AKAP6: variants seen among roughly 807,000 people sequenced by gnomAD.
AKAP6 encodes the protein A-kinase anchor protein 6.
In AKAP6, 58 loss-of-function variants were observed where a neutral mutation model predicts 188.5. The observed-to-expected ratio is 0.31, with a 90% CI of 0.25 to 0.38. AKAP6 has a LOEUF of 0.38. AKAP6 is among the 10% of genes least tolerant of loss of function. The pLI, the probability that AKAP6 is intolerant of heterozygous loss-of-function variation, is 1.00. For missense variants in AKAP6, 2,710 were observed against 2,740.0 expected (o/e 0.99, Z 0.24); for synonymous variants, 989 against 998.6 (o/e 0.99, Z 0.18).
At chr14:32,816,779 GT>G (rs987885845) in intron 12 of AKAP6, among the ~76,000 whole-genome samples, 2 of 152,090 alleles carry the variant, frequency 1.3e-5, no homozygotes, top group African/African-American at 4.8e-5. Flanking sequence ...TGCTGCTTAT[GT>G]TTTTGTCACT....
At chr14:32,442,735 G>A (rs982686257) in intron 2 of AKAP6, 4 of 152,174 alleles carry the variant, frequency 2.6e-5, no homozygotes, top group Non-Finnish European at 5.9e-5. Context: ...GATCCAACCT[G>A]TGTGTATTTT....
chr14:32,600,699 C>G lies in AKAP6; in HGVS notation c.2637C>G (p.His879Gln). The G allele has an allele frequency of 6.2e-7, 1 of 1,613,644 alleles. No homozygotes were observed. The highest frequency in any genetic ancestry group is 1.1e-5 in the South Asian group (1 of 90,998). ...TGCAGAGGCAAATCAAACGGCAGCA[C>G]AGCTGGATTCTCAGGGCTCTGGATA... Reference protein sequence around the residue: ...KELQRQIKRQHSWILRALDTI... With the variant: ...KELQRQIKRQQSWILRALDTI... Residue 879 changes from histidine to glutamine, a missense_variant, in exon 7 of 14, where the codon CAC becomes CAG. His to Gln is a conservative substitution (Grantham distance 24). Transcript: ENST00000280979.
chr14:32,666,416 G>A (rs901816289), intron 7 of AKAP6, among the ~76,000 whole-genome samples: 2 of 152,000 alleles, frequency 1.3e-5, no homozygotes, highest in Non-Finnish European at 2.9e-5. Context: ...ATTAGTTACA[G>A]TCTCCAGCTG....
chr14:32,685,785 A>G (rs943306901), intron 8 of AKAP6, among the ~76,000 whole-genome samples: 3 of 151,760 alleles, frequency 2.0e-5, no homozygotes, highest in Non-Finnish European at 2.9e-5. Context: ...CAAGTCAGGC[A>G]ATAACAAATG....
At chr14:32,586,240 TAA>T (rs919478920) in intron 5 of AKAP6, among the ~76,000 whole-genome samples, 2 of 152,230 alleles carry the variant, frequency 1.3e-5, no homozygotes, top group African/African-American at 4.8e-5. Context: ...AAGTCAACAG[TAA>T]GTCCCCTTTT....
At chr14:32,550,134 A>G (rs1487781327) in intron 4 of AKAP6, among the ~76,000 whole-genome samples, 1 of 152,204 alleles carries the variant, frequency 6.6e-6, no homozygotes, top group Non-Finnish European at 1.5e-5. Flanking sequence ...TTGTAAAGAG[A>G]TGTTTTAACC....
intron 2 of AKAP6, among the ~76,000 whole-genome samples, chr14:32,507,342 C>A (rs1168879761): frequency 1.3e-5 from 2 of 152,158 alleles, no homozygotes; most frequent in Non-Finnish European, 2.9e-5. Flanking sequence ...CTTTACCATC[C>A]AGTATCTCAC....
intron 4 of AKAP6, among the ~76,000 whole-genome samples, chr14:32,561,070 C>A (rs750182719): frequency 5.3e-5 from 8 of 152,170 alleles, no homozygotes; most frequent in Non-Finnish European, 1.2e-4. Flanking sequence ...GCTCAGTTCA[C>A]AATCCCTCAT....
At chr14:32,515,643 T>C (rs1370581607) in intron 2 of AKAP6, among the ~76,000 whole-genome samples, 1 of 152,142 alleles carries the variant, frequency 6.6e-6, no homozygotes, top group Non-Finnish European at 1.5e-5. Context: ...CTCAGCAATC[T>C]ATGGGGATAC....
chr14:32,472,303 C>T (rs1403425728), intron 2 of AKAP6, among the ~76,000 whole-genome samples: 1 of 152,026 alleles, frequency 6.6e-6, no homozygotes, highest in Non-Finnish European at 1.5e-5. Context: ...CAGCTGAGGG[C>T]AAGTCCCAGG....
At chr14:32,536,268 G>A (rs1206073037) in intron 3 of AKAP6, among the ~76,000 whole-genome samples, 1 of 152,192 alleles carries the variant, frequency 6.6e-6, no homozygotes, top group Non-Finnish European at 1.5e-5. Flanking sequence ...ACCTAATTCA[G>A]ATGGGAGGCT....
chr14:32,410,594 C>T (rs1416593188), intron 1 of AKAP6, among the ~76,000 whole-genome samples: 3 of 152,116 alleles, frequency 2.0e-5, no homozygotes, highest in African/African-American at 7.2e-5. Context: ...TAAATCTCTT[C>T]AAATATTTTA....
chr14:32,650,754 C>T (rs781284868), intron 7 of AKAP6, among the ~76,000 whole-genome samples: 3 of 152,026 alleles, frequency 2.0e-5, no homozygotes, highest in East Asian at 1.9e-4. Flanking sequence ...ATAATGAAAG[C>T]GGCATTGTTC....
rs180774935 is a variant in AKAP6, at chr14:32,351,477, G to A, written c.-35+22069G>A. On this transcript the variant is annotated intron_variant, in intron 1 of 13. Coordinates refer to ENST00000280979, the MANE Select transcript of AKAP6 (RefSeq NM_004274.5). Reference sequence around the variant, plus strand: ...TTTGGGAGACTGAGGCAGGAGAATCGCTTGAACCCTGGAGGCAGAGGCTGT... The same window carrying A: ...TTTGGGAGACTGAGGCAGGAGAATCACTTGAACCCTGGAGGCAGAGGCTGT... Among the ~76,000 whole-genome samples the A allele has an allele frequency of 1.1e-4, 16 of 151,532 alleles. No individual in the cohort carries two copies. In the East Asian group the frequency reaches 2.7e-3, roughly 26 times the overall value.
chr14:32,613,035 TC>T (rs1345032164), intron 7 of AKAP6, among the ~76,000 whole-genome samples: 8 of 152,234 alleles, frequency 5.3e-5, no homozygotes, highest in African/African-American at 1.9e-4. Context: ...TACACATCCT[TC>T]TAGTAAATGA....
chr14:32,775,309 AT>A (rs112670905), intron 12 of AKAP6, among the ~76,000 whole-genome samples: 23,437 of 152,082 alleles, frequency 0.15, 2,920 homozygotes, highest in African/African-American at 0.35. Flanking sequence ...AAGTTGTGAA[AT>A]TTTTGAAGCA....
chr14:32,671,515 A>T (rs1889195645), intron 7 of AKAP6, among the ~76,000 whole-genome samples: 1 of 152,062 alleles, frequency 6.6e-6, no homozygotes, highest in Admixed American at 6.6e-5. Context: ...TACCGATGGA[A>T]AAACAACGGC....
chr14:32,681,917 A>G (rs1465411889), intron 8 of AKAP6, among the ~76,000 whole-genome samples: 2 of 152,132 alleles, frequency 1.3e-5, no homozygotes, highest in Non-Finnish European at 2.9e-5. Flanking sequence ...ATTTTAAAGT[A>G]CCTTCTATAT....
intron 1 of AKAP6, among the ~76,000 whole-genome samples, chr14:32,359,831 T>C (rs10131297): frequency 0.25 from 37,816 of 152,182 alleles, 5,105 homozygotes; most frequent in East Asian, 0.45. Flanking sequence ...GATGTACCTT[T>C]CTCATCACAT....
Sources: gnomAD v4.1 joint callset for allele counts (sites outside exome capture counted in the v4.1 genomes callset) on GRCh38, gnomAD v4.1.1 for gene constraint, MANE v1.5 for transcripts, NCBI Gene and HGNC (gene_info 2026-07-23, HGNC 2026-07-21) for gene names.